SLC25A36: variants seen among roughly 807,000 people sequenced by gnomAD.
SLC25A36 encodes solute carrier family 25 member 36.
Under a neutral mutation model 35.3 loss-of-function variants are expected in SLC25A36, and 24 were observed. The observed-to-expected ratio is 0.68, with a 90% confidence interval of 0.49 to 0.96. The LOEUF (loss-of-function observed/expected upper bound fraction) is 0.96, where lower values mean the gene tolerates loss of function less well. SLC25A36 is among the 40% of genes least tolerant of loss of function. The pLI is 0.00. For missense variants in SLC25A36, 294 were observed against 381.1 expected (o/e 0.77, Z 1.90); for synonymous variants, 141 against 132.2 (o/e 1.07, Z -0.46).
intron 4 of SLC25A36, chr3:140,968,324 T>C (rs1364152643): frequency 1.3e-6 from 1 of 767,156 alleles, no homozygotes; most frequent in Non-Finnish European, 1.6e-6. Flanking sequence ...CCTAACCCAA[T>C]GGTTTGCTGG....
Position 140,976,551 on chromosome 3 carries a change from T to C in SLC25A36, c.*98T>C. On this transcript the variant is annotated 3_prime_UTR_variant, in exon 7 of 7. Transcript: ENST00000324194. ...GCATGGCAGACAGAAGAAAAATAGT[T>C]TGGGAACATGTAACTATTCTAAGTG... The C allele has an allele frequency of 1.9e-6, 2 of 1,029,422 alleles. No individual in the cohort carries two copies. Among genetic ancestry groups the C allele is most frequent in the Non-Finnish European group, 1.4e-6 (1 of 733,694 alleles). 63.8% of individuals were successfully genotyped at this position (1,029,422 alleles called of 1,614,324 possible).
chr3:140,949,898 A>G (rs1300849830), intron 1 of SLC25A36, among the ~76,000 whole-genome samples: 2 of 152,204 alleles, frequency 1.3e-5, no homozygotes, highest in Non-Finnish European at 2.9e-5. Context: ...CATTAGCCAC[A>G]CCTTGCAACT....
At chr3:140,965,781 C>G (rs1452763556) in intron 4 of SLC25A36, 2 of 151,140 alleles carry the variant, frequency 1.3e-5, no homozygotes, top group Non-Finnish European at 3.0e-5. Flanking sequence ...CCTTTTTTTT[C>G]TCCTACACAT....
intron 5 of SLC25A36, among the ~76,000 whole-genome samples, chr3:140,972,453 G>GA (rs1934929424): frequency 6.6e-6 from 1 of 151,830 alleles, no homozygotes; most frequent in South Asian, 2.1e-4. Context: ...TTGAGGCCAG[G>GA]AGTTTAAGAA....
At chr3:140,949,040 G>C (rs1408290551) in intron 1 of SLC25A36, among the ~76,000 whole-genome samples, 1 of 152,190 alleles carries the variant, frequency 6.6e-6, no homozygotes, top group Non-Finnish European at 1.5e-5. Context: ...CAGAGGCCTT[G>C]CTCTTTCTTA....
At chr3:140,962,549 G>C (rs1456393448) in intron 3 of SLC25A36, among the ~76,000 whole-genome samples, 5 of 152,132 alleles carry the variant, frequency 3.3e-5, no homozygotes, top group Non-Finnish European at 7.4e-5. Flanking sequence ...GTGAATTACT[G>C]TGTGTGTAGT....
intron 4 of SLC25A36, 151 bp downstream of exon 4, chr3:140,963,378 A>G (rs1934680075): frequency 5.4e-6 from 3 of 551,368 alleles, no homozygotes; most frequent in East Asian, 3.4e-5. Flanking sequence ...CAAATTAGGT[A>G]TATGTAAAAT....
At chr3:140,966,670 T>C in intron 4 of SLC25A36, 1 of 332,620 alleles carries the variant, frequency 3.0e-6, no homozygotes, top group East Asian at 7.5e-5. Context: ...TAGCATTTTT[T>C]CTTTAAGGCA....
In SLC25A36 at chr3:140,968,263, T is replaced by C. The variant is rs572219269; in HGVS notation, c.386-2664T>C. On this transcript the variant is annotated intron_variant, in intron 4 of 6. Coordinates refer to ENST00000324194, the MANE Select transcript of SLC25A36 (RefSeq NM_001104647.3). Reference sequence around the variant, plus strand: ...CATAAAACTCAAGGACCTGAGTTTTTAGCGGTAAAGGGCTAATAGCTAAAA... The same window carrying C: ...CATAAAACTCAAGGACCTGAGTTTTCAGCGGTAAAGGGCTAATAGCTAAAA... 4.5e-5 allele frequency: 41 copies of C among 916,652 alleles called. No homozygotes were observed. In the African/African-American group the frequency reaches 7.0e-4, roughly 16 times the overall value. The allele number at this position is 916,652 out of a possible 1,614,324, so 56.8% of individuals were successfully genotyped here.
At chr3:140,970,256 A>G (rs935472071) in intron 4 of SLC25A36, 6 of 151,976 alleles carry the variant, frequency 3.9e-5, no homozygotes, top group Admixed American at 2.0e-4. Context: ...TGTCTATAAA[A>G]GAGGGAACTT....
intron 1 of SLC25A36, among the ~76,000 whole-genome samples, chr3:140,947,954 A>C (rs1559809659): frequency 6.6e-6 from 1 of 151,232 alleles, no homozygotes; most frequent in East Asian, 2.0e-4. Flanking sequence ...TGGTTTTTTT[A>C]ATTATTATTA....
chr3:140,964,889 C>G (rs1374963236), intron 4 of SLC25A36: 1 of 151,746 alleles, frequency 6.6e-6, no homozygotes, highest in African/African-American at 2.4e-5. Flanking sequence ...TATCACATTG[C>G]AAAGAATTTC....
intron 3 of SLC25A36, among the ~76,000 whole-genome samples, chr3:140,960,440 C>G (rs543908066): frequency 6.6e-6 from 1 of 152,248 alleles, no homozygotes; most frequent in African/African-American, 2.4e-5. Flanking sequence ...AGTTAGTGTT[C>G]CTTTCTCACT....
chr3:140,976,508 C>A lies in SLC25A36; in HGVS notation c.*55C>A. On this transcript the variant is annotated 3_prime_UTR_variant, in exon 7 of 7. Transcript: ENST00000324194. ...AGAAGACCAAAAGATTACAGTGGAC[C>A]ATGGGATACAGAAGCCAGCATGGCA... is the stretch of plus-strand genomic sequence containing the variant. 6.9e-7 allele frequency: 1 copy of A among 1,453,058 alleles called. No individual in the cohort carries two copies. The highest frequency in any genetic ancestry group is 9.3e-7 in the Non-Finnish European group (1 of 1,078,916). 90.0% of individuals were successfully genotyped at this position (1,453,058 alleles called of 1,614,324 possible). A position where few individuals can be genotyped will look rare whatever the true frequency, so the allele number is the denominator to read the frequency against.
At chr3:140,944,801 G>C (rs185073593) in intron 1 of SLC25A36, among the ~76,000 whole-genome samples, 22 of 130,558 alleles carry the variant, frequency 1.7e-4, no homozygotes, top group African/African-American at 6.4e-4. Flanking sequence ...TCATTCATTT[G>C]CTCAATCATT....
chr3:140,979,810 A>G lies in SLC25A36; in HGVS notation c.*3357A>G, dbSNP rs371674667. 1.3e-5 allele frequency: 2 copies of G among 152,320 alleles called. No individual in the cohort carries two copies. The highest frequency in any genetic ancestry group is 4.8e-5 in the African/African-American group (2 of 41,590). The allele number at this position is 152,320 out of a possible 1,614,324, so 9.4% of individuals were successfully genotyped here. A position where few individuals can be genotyped will look rare whatever the true frequency, so the allele number is the denominator to read the frequency against. ...CAAAAGTGTTAACTTTTGACTATTC[A>G]TGTGAGGTTTGGTATCTTGCATTTA... is the stretch of plus-strand genomic sequence containing the variant. On this transcript the variant is annotated 3_prime_UTR_variant, in exon 7 of 7. Coordinates refer to ENST00000324194, the MANE Select transcript of SLC25A36 (RefSeq NM_001104647.3).
At chr3:140,956,857 A>G in intron 2 of SLC25A36, 166 bp downstream of exon 2, 1 of 1,149,246 alleles carries the variant, frequency 8.7e-7, no homozygotes, top group Non-Finnish European at 1.1e-6. Flanking sequence ...AATGGAGAAG[A>G]ACAGTTAGAC....
chr3:140,963,254 A>ATAAAAACAAAATAATAACTAATTTAAAC, intron 4 of SLC25A36, 27 bp downstream of exon 4: 1 of 1,453,220 alleles, frequency 6.9e-7, no homozygotes, highest in Non-Finnish European at 9.3e-7. Context: ...TTAAAAAAAA[A>ATAAAAACAAAATAATAACTAATTTAAAC]AAAAACTTTC....
chr3:140,954,055 C>A (rs1390582105), intron 1 of SLC25A36, among the ~76,000 whole-genome samples: 1 of 152,198 alleles, frequency 6.6e-6, no homozygotes, highest in Non-Finnish European at 1.5e-5. Flanking sequence ...TCTTCCCTCT[C>A]CTCTACCCCT....
Sources: allele counts gnomAD v4.1 joint callset (sites outside exome capture counted in the v4.1 genomes callset), GRCh38; gene constraint gnomAD v4.1.1; transcripts MANE v1.5; gene names NCBI Gene and HGNC (gene_info 2026-07-23, HGNC 2026-07-21).